TENT5D: variants seen among roughly 807,000 people sequenced by gnomAD.
TENT5D encodes the protein cancer/testis antigen 112.
For synonymous variants in TENT5D, 103 were observed against 100.6 expected (o/e 1.02, Z -0.15); for missense variants, 191 against 287.0 (o/e 0.67, Z 2.42).
rs960486392 is a variant in TENT5D at position 80,342,003 on chromosome X, G to A, written c.-206-497G>A. On this transcript the variant is annotated intron_variant, in intron 2 of 4. Transcript: ENST00000538312. ...TGGGACTACAGGCGTGAGCCACCGC[G>A]CCCGGCCATAATTCTTTTCTTAAAA... Among the ~76,000 whole-genome samples the A allele has an allele frequency of 5.4e-5, 6 of 110,816 alleles. No homozygotes were observed. In the South Asian group the frequency reaches 1.1e-3, roughly 21 times the overall value.
rs1930789598 is a variant in TENT5D at position 80,378,842 on chromosome X, A to T, written c.-142+36278A>T. ...AGACAATTTAACTTCCTCATTTCCT[A>T]ATTGATTACCCTTTATTTCTTTCTC... On this transcript the variant is annotated intron_variant, in intron 3 of 4. Coordinates refer to the TENT5D transcript ENST00000538312. Among the ~76,000 whole-genome samples, 3 of 110,037 alleles carry T rather than the reference A, an allele frequency of 2.7e-5. No individual in the cohort carries two copies. The Admixed American group carries it at 2.9e-4, about 11-fold the overall frequency.
At chrX:80,434,784 GTT>G (rs1289760773) in intron 1 of TENT5D, among the ~76,000 whole-genome samples, 3 of 90,724 alleles carry the variant, frequency 3.3e-5, no homozygotes, top group Non-Finnish European at 2.2e-5. Context: ...TTTTTTCTTT[GTT>G]TTTTTTTTTT....
intron 3 of TENT5D, among the ~76,000 whole-genome samples, chrX:80,408,006 A>G (rs1174151784): frequency 6.4e-5 from 7 of 109,992 alleles, no homozygotes; most frequent in East Asian, 5.7e-4. Flanking sequence ...TGACTACTGG[A>G]TACATAACGA....
chrX:80,441,685 T>C (rs1296041209), intron 2 of TENT5D, among the ~76,000 whole-genome samples: 2 of 111,551 alleles, frequency 1.8e-5, no homozygotes, highest in Admixed American at 9.6e-5. Flanking sequence ...AGTGTTACAA[T>C]ATATTATAAA....
At chrX:80,353,025 A>T (rs1309452821) in intron 3 of TENT5D, among the ~76,000 whole-genome samples, 3 of 111,996 alleles carry the variant, frequency 2.7e-5, no homozygotes, top group Non-Finnish European at 1.9e-5. Context: ...ACCAGTCCCA[A>T]TGAGATGAAC....
chrX:80,371,358 G>A (rs1421841833), intron 3 of TENT5D, among the ~76,000 whole-genome samples: 1 of 111,274 alleles, frequency 9.0e-6, no homozygotes, highest in Non-Finnish European at 1.9e-5. Flanking sequence ...AGGATTTTCA[G>A]GATGGTAAAA....
chrX:80,432,017 C>A, intron 1 of TENT5D, among the ~76,000 whole-genome samples: 1 of 110,247 alleles, frequency 9.1e-6, no homozygotes. Context: ...ATCTTGGAAT[C>A]CCCCATTTTA....
chrX:80,399,616 A>G (rs999792547), intron 3 of TENT5D, among the ~76,000 whole-genome samples: 1 of 112,424 alleles, frequency 8.9e-6, no homozygotes, highest in South Asian at 3.7e-4. Context: ...TCAGTAAAAA[A>G]GAATTTTAAA....
chrX:80,443,831 A>G, exon 3 of TENT5D: 2 of 650,986 alleles, frequency 3.1e-6, no homozygotes, highest in Non-Finnish European at 4.5e-6. Flanking sequence ...TTTCAATTAC[A>G]GTTGATGGAA....
At chrX:80,431,728 C>G (rs2147565758) in intron 1 of TENT5D, among the ~76,000 whole-genome samples, 1 of 111,406 alleles carries the variant, frequency 9.0e-6, no homozygotes, top group Non-Finnish European at 1.9e-5. Flanking sequence ...GAAAGACTTC[C>G]CCCATGAATC....
chrX:80,387,274 G>A (rs144173411), intron 3 of TENT5D, among the ~76,000 whole-genome samples: 8 of 112,026 alleles, frequency 7.1e-5, no homozygotes, highest in Non-Finnish European at 1.5e-4. Context: ...GATTTTACTG[G>A]TTGCTCTTGA....
intron 3 of TENT5D, among the ~76,000 whole-genome samples, chrX:80,375,207 A>T (rs1930701819): frequency 9.0e-6 from 1 of 111,419 alleles, no homozygotes; most frequent in Non-Finnish European, 1.9e-5. Context: ...TCAAAACAAA[A>T]CTTAAATTTC....
intron 3 of TENT5D, among the ~76,000 whole-genome samples, chrX:80,403,457 C>T (rs1333083448): frequency 8.9e-6 from 1 of 112,318 alleles, no homozygotes; most frequent in Non-Finnish European, 1.9e-5. Flanking sequence ...ACTAGCAATA[C>T]ACCTCATTGA....
At chrX:80,397,019 C>CGGG (rs1191373421) in intron 3 of TENT5D, among the ~76,000 whole-genome samples, 1 of 75,472 alleles carries the variant, frequency 1.3e-5, no homozygotes, top group Non-Finnish European at 2.6e-5. Context: ...GGCGTCTGGC[C>CGGG]GGGGGGGGGG....
chrX:80,442,726 T>C (rs145332163), exon 3 of TENT5D: 9 of 1,209,613 alleles, frequency 7.4e-6, no homozygotes, highest in Non-Finnish European at 8.9e-6. Context: ...AGATGCCAGA[T>C]TGAATGGTTC....
intron 3 of TENT5D, among the ~76,000 whole-genome samples, chrX:80,395,773 C>T (rs1157127983): frequency 9.3e-6 from 1 of 108,021 alleles, no homozygotes; most frequent in Non-Finnish European, 1.9e-5. Context: ...CCTACAGTGG[C>T]GTAGAAAACT....
intron 3 of TENT5D, among the ~76,000 whole-genome samples, chrX:80,398,145 A>C (rs1931322027): frequency 9.0e-6 from 1 of 111,321 alleles, no homozygotes; most frequent in Non-Finnish European, 1.9e-5. Context: ...TATGATTTTG[A>C]TTTTCATTTC....
chrX:80,363,201 A>T (rs963895529), intron 3 of TENT5D, among the ~76,000 whole-genome samples: 1 of 111,893 alleles, frequency 8.9e-6, no homozygotes, highest in Non-Finnish European at 1.9e-5. Flanking sequence ...GGTCTTTGTT[A>T]ACTGAATATT....
intron 3 of TENT5D, among the ~76,000 whole-genome samples, chrX:80,355,689 C>G (rs941550771): frequency 3.4e-4 from 38 of 111,714 alleles, no homozygotes; most frequent in Admixed American, 9.5e-5. Flanking sequence ...CTGCTGGGGG[C>G]CAGGAATGAT....
Sources: gnomAD v4.1 joint callset for allele counts (sites outside exome capture counted in the v4.1 genomes callset) on GRCh38, gnomAD v4.1.1 for gene constraint, MANE v1.5 for transcripts, NCBI Gene and HGNC (gene_info 2026-07-23, HGNC 2026-07-21) for gene names.